Variants in MYOF observed in about 807,000 individuals in gnomAD.
The protein encoded by MYOF is fer-1-like 3, myoferlin.
Under a neutral mutation model 284.2 loss-of-function variants are expected in MYOF, and 244 were observed. The ratio of observed to expected loss-of-function variants is 0.86; its 90% CI spans 0.77 to 0.95. MYOF has a LOEUF of 0.95. Among genes scored for constraint, MYOF ranks in the 40% least tolerant of loss-of-function variants. MYOF has a pLI of 0.00. For missense variants in MYOF, 2,496 were observed against 2,560.6 expected, an observed-to-expected ratio of 0.97 and a Z score of 0.54; for synonymous variants, 904 against 919.7, an observed-to-expected ratio of 0.98 and a Z score of 0.31.
intron 25 of MYOF, among the ~76,000 whole-genome samples, chr10:93,368,259 T>C (rs910123243): frequency 6.6e-6 from 1 of 152,176 alleles, no homozygotes; most frequent in Non-Finnish European, 1.5e-5. Flanking sequence ...CTATCTTCAC[T>C]AGCACCTCTA....
intron 4 of MYOF, among the ~76,000 whole-genome samples, chr10:93,428,646 G>A (rs1034671217): frequency 1.3e-5 from 2 of 151,192 alleles, no homozygotes; most frequent in African/African-American, 4.9e-5. Flanking sequence ...CTGTTCATCA[G>A]TGAATACTCC....
In MYOF at chr10:93,401,534, C is replaced by G; in HGVS notation, c.1001G>C (p.Arg334Pro). 1 of 1,614,012 alleles carries G rather than the reference C, an allele frequency of 6.2e-7. No individual in the cohort carries two copies. The highest frequency in any genetic ancestry group is 8.5e-7 in the Non-Finnish European group (1 of 1,179,984). ...ATCATCACTGTCATTATCACGATCT[C>G]GTCTCTCAGGCTATTAGGGGCACAT... is the stretch of plus-strand genomic sequence containing the variant. Reference protein sequence around the residue: ...GTGDEPPPERRDRDNDSDDVE... With the variant: ...GTGDEPPPERPDRDNDSDDVE... The change falls in exon 12 of 54, where the codon CGA becomes CCA. Residue 334 changes from arginine (R) to proline (P), a missense_variant. By Grantham distance (103) the Arg-to-Pro change is moderately radical. Transcript: ENST00000359263.
intron 41 of MYOF, 64 bp downstream of exon 41, chr10:93,335,857 T>C (rs973404599): frequency 1.1e-5 from 17 of 1,556,900 alleles, no homozygotes; most frequent in African/African-American, 1.5e-5. Context: ...GGTTGTCCTT[T>C]ATTCTAGGCC....
chr10:93,433,793 C>A (rs567194197), intron 3 of MYOF, among the ~76,000 whole-genome samples: 1 of 152,326 alleles, frequency 6.6e-6, no homozygotes, highest in African/African-American at 2.4e-5. Flanking sequence ...CACATGGCAG[C>A]ATAGGCACAT....
chr10:93,399,611 T>A, intron 12 of MYOF, 116 bp from the exon 13 acceptor site: 1 of 671,464 alleles, frequency 1.5e-6, no homozygotes, highest in East Asian at 2.8e-5. Context: ...CAGTGGCTCA[T>A]GCCTGTAATC....
chr10:93,364,041 A>C lies in MYOF; in HGVS notation c.2788T>G (p.Phe930Val). Residue 930 changes from phenylalanine to valine, a missense_variant, in exon 27 of 54, where the codon TTC (phenylalanine) becomes GTC (valine). By Grantham distance (50) the Phe-to-Val change is conservative (BLOSUM62 -1). Around this residue, in one of 3 missense-constraint regions of MYOF, gnomAD observed 2,436 missense variants for 2,480.7 expected, o/e 0.98. Transcript: ENST00000359263. ...TCGTTCTGATAGACTTCATCAGTGA[A>C]CTCCGTGTGACCTGCATCTGCCTCA... Reference protein sequence around the residue: ...LTEADAGHTEFTDEVYQNESR... With the variant: ...LTEADAGHTEVTDEVYQNESR... 6.2e-7 allele frequency: 1 copy of C among 1,613,948 alleles called. No individual in the cohort carries two copies. The highest frequency in any genetic ancestry group is 8.5e-7 in the Non-Finnish European group (1 of 1,179,962).
intron 3 of MYOF, among the ~76,000 whole-genome samples, chr10:93,450,860 C>G (rs934056916): frequency 1.3e-5 from 2 of 152,128 alleles, no homozygotes; most frequent in Non-Finnish European, 2.9e-5. Context: ...TTTTTGGCCC[C>G]TAACCATTTA....
intron 1 of MYOF, among the ~76,000 whole-genome samples, chr10:93,477,895 C>T (rs1310081664): frequency 1.3e-5 from 2 of 151,952 alleles, no homozygotes; most frequent in African/African-American, 2.4e-5. Context: ...CACAAAGACA[C>T]GCACCACAGG....
At chr10:93,351,881 G>A (rs767557021) in intron 32 of MYOF, 35 bp from the exon 33 acceptor site, 3 of 1,549,182 alleles carry the variant, frequency 1.9e-6, no homozygotes, top group Non-Finnish European at 2.6e-6. Flanking sequence ...ACGGGGCCAC[G>A]GCTAAAATCT....
At chr10:93,436,494 C>G (rs974611104) in intron 3 of MYOF, among the ~76,000 whole-genome samples, 1 of 144,268 alleles carries the variant, frequency 6.9e-6, no homozygotes, top group African/African-American at 2.5e-5. Flanking sequence ...ATTATTTTTT[C>G]TGAAGTAAAG....
intron 3 of MYOF, among the ~76,000 whole-genome samples, chr10:93,451,715 A>G (rs928269701): frequency 6.6e-6 from 1 of 152,244 alleles, no homozygotes; most frequent in East Asian, 1.9e-4. Context: ...ATCCAATATC[A>G]CTACAGTTCA....
At chr10:93,438,547 G>C (rs2056143054) in intron 3 of MYOF, among the ~76,000 whole-genome samples, 1 of 152,066 alleles carries the variant, frequency 6.6e-6, no homozygotes, top group Non-Finnish European at 1.5e-5. Flanking sequence ...CCCTCACCAG[G>C]GCGTCTGCAG....
intron 4 of MYOF, among the ~76,000 whole-genome samples, chr10:93,427,793 G>A (rs1245873123): frequency 6.6e-6 from 1 of 152,066 alleles, no homozygotes; most frequent in Non-Finnish European, 1.5e-5. Flanking sequence ...AAGAGACAAT[G>A]TTATTCCTAC....
At position 93,369,648 on chromosome 10, in the gene MYOF, T is replaced by A. The variant is rs754147200; in HGVS notation, c.2586A>T (p.Glu862Asp). Residue 862 changes from glutamate (E) to aspartate (D), a missense_variant, in exon 25 of 54, where the codon GAA (glutamate) becomes GAT (aspartate). Around this residue, in one of 3 missense-constraint regions of MYOF, gnomAD observed 2,436 missense variants for 2,480.7 expected, o/e 0.98. Transcript: ENST00000359263. ...ATAGTGAAATCATTAAAGGTACCATTTCAGCAAAGACGGTGAAAGTTCCTT... is the reference window on the plus strand; with the variant it reads ...ATAGTGAAATCATTAAAGGTACCATATCAGCAAAGACGGTGAAAGTTCCTT... ...FAEGTFTVFA[E>D]MYENQALMFG... 44 of 1,613,994 alleles carry A rather than the reference T, an allele frequency of 2.7e-5. 1 individual carries two copies. The South Asian group carries it at 4.6e-4, about 17-fold the overall frequency.
chr10:93,402,390 G>T (rs41290204), intron 10 of MYOF, 43 bp from the exon 11 acceptor site: 83,230 of 1,470,622 alleles, frequency 0.057, 2,581 homozygotes, highest in Middle Eastern at 0.078. Context: ...ATGCTAAAAA[G>T]GTACTGATAA....
chr10:93,446,190 G>A (rs696996), intron 3 of MYOF, among the ~76,000 whole-genome samples: 57,901 of 151,428 alleles, frequency 0.38, 13,234 homozygotes, highest in Non-Finnish European at 0.51. Flanking sequence ...TTACAGAGCT[G>A]ACGCAGGGTC....
intron 3 of MYOF, among the ~76,000 whole-genome samples, chr10:93,447,080 A>G (rs1416860508): frequency 2.0e-5 from 3 of 152,302 alleles, no homozygotes; most frequent in African/African-American, 7.2e-5. Context: ...AGCACGATGC[A>G]TGGTGCCCCT....
At chr10:93,428,394 C>G (rs755926618) in intron 4 of MYOF, among the ~76,000 whole-genome samples, 1 of 150,620 alleles carries the variant, frequency 6.6e-6, no homozygotes, top group Non-Finnish European at 1.5e-5. Context: ...TTAATAGAGA[C>G]GGGGTTTCAC....
chr10:93,403,257 TCTCCTC>T (rs1390295576), intron 9 of MYOF, among the ~76,000 whole-genome samples: 3 of 152,034 alleles, frequency 2.0e-5, no homozygotes, highest in Admixed American at 6.6e-5. Flanking sequence ...CCTGTCCAGT[TCTCCTC>T]CTCCTCCTCC....
Sources: gnomAD v4.1 joint callset for allele counts (sites outside exome capture counted in the v4.1 genomes callset) on GRCh38, gnomAD v4.1.1 for gene constraint, gnomAD v4.1.1 regional missense constraint, MANE v1.5 for transcripts, NCBI Gene and HGNC (gene_info 2026-07-23, HGNC 2026-07-21) for gene names.